PRKG1: variants seen among roughly 807,000 people sequenced by gnomAD.
The protein encoded by PRKG1 is protein kinase cGMP-dependent 1.
In PRKG1, 35 loss-of-function variants were observed where a neutral mutation model predicts 88.1. That is an observed-to-expected ratio of 0.40 (90% CI 0.30 to 0.53). The LOEUF is 0.53. PRKG1 is among the 20% of genes least tolerant of loss of function. PRKG1 has a pLI of 0.59. For synonymous variants in PRKG1, 303 were observed against 292.5 expected (o/e 1.04, Z -0.37); for missense variants, 540 against 839.8 (o/e 0.64, Z 4.41).
At chr10:51,797,102 G>A (rs1839032363) in intron 3 of PRKG1, among the ~76,000 whole-genome samples, 1 of 151,414 alleles carries the variant, frequency 6.6e-6, no homozygotes, top group South Asian at 2.1e-4. Flanking sequence ...GCTTGAAGCT[G>A]GGGAAGACAT....
At chr10:51,905,414 T>G (rs1842064958) in intron 4 of PRKG1, among the ~76,000 whole-genome samples, 1 of 152,182 alleles carries the variant, frequency 6.6e-6, no homozygotes, top group Non-Finnish European at 1.5e-5. Context: ...TATTGTTTCT[T>G]TTATGGTATC....
At chr10:51,907,750 A>AGG in intron 5 of PRKG1, 180 bp downstream of exon 5, 1 of 492,428 alleles carries the variant, frequency 2.0e-6, no homozygotes. Context: ...TGACATTTAT[A>AGG]TGCAGAAAGG....
intron 4 of PRKG1, among the ~76,000 whole-genome samples, chr10:51,825,896 C>G (rs74132448): frequency 0.01 from 1,595 of 152,160 alleles, 33 homozygotes; most frequent in African/African-American, 0.036. Flanking sequence ...CAAGTCTGGC[C>G]TTTGTCTATG....
intron 2 of PRKG1, among the ~76,000 whole-genome samples, chr10:51,278,745 G>T (rs1226102789): frequency 2.0e-5 from 3 of 152,158 alleles, no homozygotes; most frequent in Non-Finnish European, 4.4e-5. Flanking sequence ...TTGCATAGAG[G>T]TGTTTATAGT....
intron 9 of PRKG1, among the ~76,000 whole-genome samples, chr10:52,168,535 A>G (rs1838559276): frequency 6.6e-6 from 1 of 152,160 alleles, no homozygotes; most frequent in Admixed American, 6.5e-5. Flanking sequence ...AGAAATCAGG[A>G]AATCACATCA....
intron 3 of PRKG1, among the ~76,000 whole-genome samples, chr10:51,710,729 G>A (rs1000301327): frequency 6.6e-6 from 1 of 152,164 alleles, no homozygotes; most frequent in Non-Finnish European, 1.5e-5. Flanking sequence ...TGTGCTTTAA[G>A]CAAATGATGC....
In PRKG1 at chr10:51,807,002, C is replaced by T. The variant is rs547717317; in HGVS notation, c.698+2312C>T. Among the ~76,000 whole-genome samples, 11 of 152,288 alleles carry T rather than the reference C, an allele frequency of 7.2e-5. No individual in the cohort carries two copies. In the East Asian group the frequency reaches 9.7e-4, roughly 13 times the overall value. On this transcript the variant is annotated intron_variant, in intron 4 of 17. Coordinates refer to ENST00000373980, the MANE Select transcript of PRKG1 (RefSeq NM_006258.4). ...ATTACACTGAGAAGTCACGTCTTTC[C>T]TCCTCTGGAGCTTCATCTCTGCCAT...
intron 1 of PRKG1, among the ~76,000 whole-genome samples, chr10:51,054,381 A>C (rs1050423537): frequency 3.9e-4 from 59 of 152,192 alleles, no homozygotes; most frequent in Non-Finnish European, 1.8e-4. Flanking sequence ...TAAAAGTTCA[A>C]CACTTATTTT....
At chr10:52,241,316 A>G (rs1357032879) in intron 9 of PRKG1, among the ~76,000 whole-genome samples, 1 of 152,192 alleles carries the variant, frequency 6.6e-6, no homozygotes, top group Non-Finnish European at 1.5e-5. Context: ...TACAGGTACC[A>G]GGACTCTCTG....
At chr10:51,967,357 A>G (rs1431763845) in intron 5 of PRKG1, among the ~76,000 whole-genome samples, 3 of 152,110 alleles carry the variant, frequency 2.0e-5, no homozygotes, top group Non-Finnish European at 4.4e-5. Context: ...TGGGAATTGA[A>G]CAATGAGAAC....
intron 3 of PRKG1, among the ~76,000 whole-genome samples, chr10:51,515,902 T>C (rs1841566710): frequency 6.6e-6 from 1 of 152,108 alleles, no homozygotes; most frequent in South Asian, 2.1e-4. Flanking sequence ...GGTGGGATGC[T>C]AAGGCCCCGG....
intron 3 of PRKG1, among the ~76,000 whole-genome samples, chr10:51,595,328 T>G (rs114680886): frequency 0.072 from 10,874 of 151,934 alleles, 1,264 homozygotes; most frequent in African/African-American, 0.25. Context: ...TTTCAAAAAA[T>G]AAACAGATAA....
chr10:52,018,803 T>C (rs770899567), intron 5 of PRKG1, among the ~76,000 whole-genome samples: 99 of 152,182 alleles, frequency 6.5e-4, no homozygotes, highest in Non-Finnish European at 1.4e-3. Flanking sequence ...GGTAGGGTTT[T>C]TAAGCCCTGG....
intron 3 of PRKG1, among the ~76,000 whole-genome samples, chr10:51,600,212 T>G (rs539501580): frequency 6.6e-6 from 1 of 152,322 alleles, no homozygotes; most frequent in Non-Finnish European, 1.5e-5. Flanking sequence ...TTTATACCTC[T>G]GCCTTAGATG....
At chr10:51,591,549 C>A in intron 3 of PRKG1, among the ~76,000 whole-genome samples, 1 of 152,026 alleles carries the variant, frequency 6.6e-6, no homozygotes, top group South Asian at 2.1e-4. Context: ...AAGTTGTCAC[C>A]AGCACTGCAG....
chr10:51,537,686 C>T lies in PRKG1; in HGVS notation c.592+69850C>T, dbSNP rs924362398. 2.0e-5 allele frequency among the ~76,000 whole-genome samples: 3 copies of T among 148,856 alleles called. No homozygotes were observed. The Admixed American group carries it at 2.0e-4, about 10-fold the overall frequency. Reference sequence around the variant, plus strand: ...GAGGTTGCAGTGAGCCAAGATTGCACCGCTGTACTCTAGCCTATGTGACAG... The same window carrying T: ...GAGGTTGCAGTGAGCCAAGATTGCATCGCTGTACTCTAGCCTATGTGACAG... On this transcript the variant is annotated intron_variant, in intron 3 of 17. Transcript: ENST00000373980.
At chr10:51,347,128 T>A (rs1474186759) in intron 2 of PRKG1, among the ~76,000 whole-genome samples, 3 of 151,944 alleles carry the variant, frequency 2.0e-5, no homozygotes, top group African/African-American at 7.3e-5. Context: ...AAACTGGTTT[T>A]TTTTTCTACC....
chr10:51,388,036 G>T (rs1240932428), intron 2 of PRKG1, among the ~76,000 whole-genome samples: 1 of 152,124 alleles, frequency 6.6e-6, no homozygotes, highest in African/African-American at 2.4e-5. Context: ...TTCTTAAAGT[G>T]TTTAACATTT....
At chr10:51,566,605 G>A (rs566474319) in intron 3 of PRKG1, among the ~76,000 whole-genome samples, 69 of 151,974 alleles carry the variant, frequency 4.5e-4, no homozygotes, top group African/African-American at 1.6e-3. Context: ...GTAAGATAGT[G>A]AAGGTTTCTC....
Sources: gnomAD v4.1 joint callset for allele counts (sites outside exome capture counted in the v4.1 genomes callset) on GRCh38, gnomAD v4.1.1 for gene constraint, MANE v1.5 for transcripts, NCBI Gene and HGNC (gene_info 2026-07-23, HGNC 2026-07-21) for gene names.